ROBO1: variants seen among roughly 807,000 people sequenced by gnomAD.
ROBO1 encodes roundabout guidance receptor 1.
Under a neutral mutation model 195.9 loss-of-function variants are expected in ROBO1, and 149 were observed. The observed-to-expected ratio is 0.76, with a 90% CI of 0.67 to 0.87. ROBO1 has a LOEUF of 0.87. ROBO1 is among the 40% of genes least tolerant of loss of function. The pLI is 0.00. For missense variants in ROBO1, 1,933 were observed against 2,068.3 expected (o/e 0.93, Z 1.27); for synonymous variants, 816 against 733.2 (o/e 1.11, Z -1.82).
intron 2 of ROBO1, among the ~76,000 whole-genome samples, chr3:79,505,393 G>A (rs1940336696): frequency 6.6e-6 from 1 of 152,148 alleles, no homozygotes; most frequent in Non-Finnish European, 1.5e-5. Flanking sequence ...ATATAAGAAA[G>A]ACACAGCTTA....
chr3:79,048,802 G>A (rs2166795), intron 3 of ROBO1, among the ~76,000 whole-genome samples: 149,446 of 152,200 alleles, frequency 0.98, 73,451 homozygotes, highest in Middle Eastern at 1. Flanking sequence ...TGCAGCTGAG[G>A]GGCCTGACTG....
At chr3:79,115,256 T>C (rs2079972070) in intron 3 of ROBO1, among the ~76,000 whole-genome samples, 1 of 152,188 alleles carries the variant, frequency 6.6e-6, no homozygotes, top group African/African-American at 2.4e-5. Context: ...GTGCTTTGAT[T>C]GATTCAGGGA....
chr3:79,425,437 G>T (rs753819572), intron 2 of ROBO1, among the ~76,000 whole-genome samples: 1 of 152,078 alleles, frequency 6.6e-6, no homozygotes, highest in Non-Finnish European at 1.5e-5. Context: ...TGCTATGATA[G>T]GTCAGGTTTC....
chr3:79,372,937 C>T (rs1002018126), intron 2 of ROBO1, among the ~76,000 whole-genome samples: 1 of 150,858 alleles, frequency 6.6e-6, no homozygotes, highest in African/African-American at 2.4e-5. Context: ...TTCGGGGGTA[C>T]ATGCGCAGGT....
intron 1 of ROBO1, among the ~76,000 whole-genome samples, chr3:79,725,172 G>C (rs1320001544): frequency 6.6e-6 from 1 of 150,640 alleles, no homozygotes; most frequent in Admixed American, 6.6e-5. Context: ...CTTATATTCT[G>C]GTTTCCCAAT....
chr3:78,717,660 TA>T, intron 6 of ROBO1, 102 bp downstream of exon 6: 1 of 1,314,116 alleles, frequency 7.6e-7, no homozygotes, highest in Non-Finnish European at 1.0e-6. Flanking sequence ...ACCCACCCCC[TA>T]AAAATATTTG....
At chr3:79,615,586 G>C (rs1944794792) in intron 1 of ROBO1, among the ~76,000 whole-genome samples, 1 of 152,046 alleles carries the variant, frequency 6.6e-6, no homozygotes, top group South Asian at 2.1e-4. Flanking sequence ...TAAAAATATA[G>C]ATTAATCAAA....
chr3:79,071,160 A>T (rs550645834), intron 3 of ROBO1, among the ~76,000 whole-genome samples: 1 of 151,834 alleles, frequency 6.6e-6, no homozygotes, highest in East Asian at 1.9e-4. Flanking sequence ...AGATCTCCTG[A>T]CCTTATTACT....
intron 1 of ROBO1, among the ~76,000 whole-genome samples, chr3:79,660,324 T>A (rs1271235621): frequency 6.6e-6 from 1 of 151,784 alleles, no homozygotes; most frequent in Non-Finnish European, 1.5e-5. Flanking sequence ...TGAGGTGCCA[T>A]ATTCTCAGAA....
chr3:78,974,150 C>A (rs918084470), intron 3 of ROBO1, among the ~76,000 whole-genome samples: 1 of 152,046 alleles, frequency 6.6e-6, no homozygotes, highest in African/African-American at 2.4e-5. Context: ...ATATTACAGG[C>A]ATCCTGTATT....
intron 7 of ROBO1, among the ~76,000 whole-genome samples, chr3:78,715,554 T>C (rs909668632): frequency 6.6e-6 from 1 of 152,156 alleles, no homozygotes; most frequent in Non-Finnish European, 1.5e-5. Flanking sequence ...TTTTTGGAGA[T>C]GGAGTCACAC....
At chr3:79,356,270 G>A (rs934216418) in intron 2 of ROBO1, among the ~76,000 whole-genome samples, 1 of 152,198 alleles carries the variant, frequency 6.6e-6, no homozygotes, top group East Asian at 1.9e-4. Context: ...AAACCTGGGA[G>A]GTGGAGGTTG....
chr3:79,095,895 T>G (rs2079558048), intron 3 of ROBO1, among the ~76,000 whole-genome samples: 1 of 152,056 alleles, frequency 6.6e-6, no homozygotes, highest in South Asian at 2.1e-4. Context: ...TTTAAATATC[T>G]GCACAGTATT....
intron 3 of ROBO1, among the ~76,000 whole-genome samples, chr3:79,032,350 A>G (rs2078311195): frequency 6.6e-6 from 1 of 152,046 alleles, no homozygotes; most frequent in African/African-American, 2.4e-5. Context: ...AATCCCACAT[A>G]GTTTTTGAGA....
intron 3 of ROBO1, among the ~76,000 whole-genome samples, chr3:79,074,325 A>C (rs2108444566): frequency 6.6e-6 from 1 of 152,078 alleles, no homozygotes; most frequent in Admixed American, 6.6e-5. Context: ...AAGTATATAT[A>C]AATAGAGAAG....
intron 17 of ROBO1, 26 bp downstream of exon 17, chr3:78,659,660 A>AT (rs1559707691): frequency 1.5e-6 from 2 of 1,346,400 alleles, no homozygotes; most frequent in African/African-American, 1.5e-5. Flanking sequence ...TCAGGACATT[A>AT]ATATATATAT....
intron 1 of ROBO1, among the ~76,000 whole-genome samples, chr3:79,731,646 A>T (rs6798475): frequency 0.29 from 44,750 of 152,000 alleles, 6,652 homozygotes; most frequent in East Asian, 0.33. Context: ...CACAAATATT[A>T]GCCCACCCTA....
intron 2 of ROBO1, among the ~76,000 whole-genome samples, chr3:79,239,547 T>C (rs1393509806): frequency 6.6e-6 from 1 of 152,180 alleles, no homozygotes; most frequent in Non-Finnish European, 1.5e-5. Flanking sequence ...CATTCTGCTT[T>C]CCAAGAGTAT....
At chr3:79,061,450 C>T (rs1239353958) in intron 3 of ROBO1, among the ~76,000 whole-genome samples, 4 of 152,208 alleles carry the variant, frequency 2.6e-5, no homozygotes, top group Middle Eastern at 3.4e-3. Flanking sequence ...AGATTCAATG[C>T]TATCCCCATC....
Sources: allele counts gnomAD v4.1 joint callset (sites outside exome capture counted in the v4.1 genomes callset), GRCh38; gene constraint gnomAD v4.1.1; transcripts MANE v1.5; gene names NCBI Gene and HGNC (gene_info 2026-07-23, HGNC 2026-07-21).